Variants in DTD1 observed in about 807,000 individuals in gnomAD.
DTD1 encodes D-tyrosyl-tRNA deacylase 1 homolog.
DTD1 carries 13 observed loss-of-function variants against 25.6 expected under a neutral mutation model. The observed-to-expected ratio is 0.51, with a 90% CI of 0.33 to 0.81. The LOEUF is 0.81. DTD1 is among the 30% of genes least tolerant of loss of function. The probability of loss-of-function intolerance (pLI) is 0.02; values close to 1 mark genes in which losing one functional copy is unlikely to be tolerated. For synonymous variants in DTD1, 110 were observed against 103.6 expected (o/e 1.06, Z -0.37); for missense variants, 193 against 266.4 (o/e 0.72, Z 1.92).
At chr20:18,688,903 T>C (rs1686540736) in intron 4 of DTD1, among the ~76,000 whole-genome samples, 1 of 151,838 alleles carries the variant, frequency 6.6e-6, no homozygotes, top group Non-Finnish European at 1.5e-5. Context: ...TGGGGAGGTA[T>C]GTGTTAGCAG....
chr20:18,708,319 ATT>A (rs1491267490), intron 4 of DTD1, among the ~76,000 whole-genome samples: 4 of 42,430 alleles, frequency 9.4e-5, no homozygotes, highest in African/African-American at 2.3e-4. Flanking sequence ...TTATATATAT[ATT>A]ATATATATAT....
At chr20:18,631,863 A>G (rs2060788958) in intron 4 of DTD1, 1 of 985,344 alleles carries the variant, frequency 1.0e-6, no homozygotes, top group East Asian at 1.1e-4. Context: ...GTAGAATAGT[A>G]CATTTTGCCT....
At chr20:18,741,738 T>G (rs1197431449) in intron 4 of DTD1, among the ~76,000 whole-genome samples, 1 of 151,586 alleles carries the variant, frequency 6.6e-6, no homozygotes, top group African/African-American at 2.4e-5. Flanking sequence ...AAAAAAATTT[T>G]TTTTGAGACA....
At chr20:18,640,765 G>C (rs1007421776) in intron 4 of DTD1, among the ~76,000 whole-genome samples, 3 of 151,656 alleles carry the variant, frequency 2.0e-5, no homozygotes, top group Admixed American at 1.3e-4. Flanking sequence ...CGAGTAGCTG[G>C]GATTACAGGC....
chr20:18,634,842 A>G, intron 4 of DTD1, among the ~76,000 whole-genome samples: 1 of 152,208 alleles, frequency 6.6e-6, no homozygotes, highest in East Asian at 1.9e-4. Flanking sequence ...ACATGAGCAC[A>G]CAGGTGGCTT....
chr20:18,740,264 G>A (rs1357622025), intron 4 of DTD1, among the ~76,000 whole-genome samples: 1 of 151,542 alleles, frequency 6.6e-6, no homozygotes, highest in Non-Finnish European at 1.5e-5. Flanking sequence ...CTTAGCAAGG[G>A]GGAGGAGGTT....
intron 3 of DTD1, among the ~76,000 whole-genome samples, chr20:18,624,463 A>C (rs2060749340): frequency 6.6e-6 from 1 of 152,186 alleles, no homozygotes; most frequent in Non-Finnish European, 1.5e-5. Context: ...ATATGAAATC[A>C]TATCCCAAGA....
chr20:18,609,703 G>C (rs963769535), intron 3 of DTD1, among the ~76,000 whole-genome samples: 1 of 152,068 alleles, frequency 6.6e-6, no homozygotes, highest in Non-Finnish European at 1.5e-5. Flanking sequence ...ATGTCCATTT[G>C]CTGTAAGAAT....
intron 4 of DTD1, among the ~76,000 whole-genome samples, chr20:18,715,580 G>A (rs2061176968): frequency 6.6e-6 from 1 of 152,188 alleles, no homozygotes; most frequent in South Asian, 2.1e-4. Context: ...AAGTCACAAA[G>A]TAAAGCATAT....
rs146254763 is a variant in DTD1 at position 18,741,826 on chromosome 20, G to T, written c.478-2274G>T. Among the ~76,000 whole-genome samples, 366 of 151,460 alleles carry T rather than the reference G, an allele frequency of 2.4e-3. 7 individuals are homozygous for T. Among genetic ancestry groups the T allele is most frequent in the Admixed American group, 0.02 (300 of 15,234 alleles). ...TAACCTCTGCTTGCTGGGCTCAAGC[G>T]ATCCTCCCGTCTCAGCCTCCCCAGT... On this transcript the variant is annotated intron_variant, in intron 4 of 5. Transcript: ENST00000377452.
chr20:18,713,528 C>G (rs1222972633), intron 4 of DTD1, among the ~76,000 whole-genome samples: 1 of 152,120 alleles, frequency 6.6e-6, no homozygotes, highest in Non-Finnish European at 1.5e-5. Context: ...TGTTTTTGGT[C>G]CAGAGACTGG....
chr20:18,726,374 T>A (rs1464096904), intron 4 of DTD1, among the ~76,000 whole-genome samples: 1 of 152,234 alleles, frequency 6.6e-6, no homozygotes, highest in African/African-American at 2.4e-5. Flanking sequence ...GCCCCATGTT[T>A]ACCTTAATTC....
intron 4 of DTD1, among the ~76,000 whole-genome samples, chr20:18,687,326 G>T (rs2061020942): frequency 6.6e-6 from 1 of 151,954 alleles, no homozygotes; most frequent in South Asian, 2.1e-4. Context: ...GAGGTGAGGG[G>T]GTGTCAGGAC....
At chr20:18,662,551 G>C (rs2122374806) in intron 4 of DTD1, among the ~76,000 whole-genome samples, 1 of 152,332 alleles carries the variant, frequency 6.6e-6, no homozygotes, top group Middle Eastern at 3.4e-3. Flanking sequence ...GTGCAGAAGG[G>C]TATTGGTAGA....
chr20:18,635,954 T>C (rs1223234695), intron 4 of DTD1, among the ~76,000 whole-genome samples: 1 of 152,236 alleles, frequency 6.6e-6, no homozygotes, highest in Admixed American at 6.5e-5. Flanking sequence ...CTAGGATCTG[T>C]TTCTTTTCTA....
chr20:18,658,734 A>G (rs1027949804), intron 4 of DTD1, among the ~76,000 whole-genome samples: 1 of 152,200 alleles, frequency 6.6e-6, no homozygotes, highest in Non-Finnish European at 1.5e-5. Flanking sequence ...ATAAATGTTT[A>G]TCTGTTTCAC....
chr20:18,628,286 C>T (rs1206537812), intron 4 of DTD1, 53 bp downstream of exon 4: 4 of 1,434,390 alleles, frequency 2.8e-6, no homozygotes, highest in African/African-American at 2.8e-5. Flanking sequence ...TGTAACATCC[C>T]TTTAGTCCCT....
At chr20:18,610,710 G>A (rs893702593) in intron 3 of DTD1, among the ~76,000 whole-genome samples, 1 of 152,154 alleles carries the variant, frequency 6.6e-6, no homozygotes, top group Non-Finnish European at 1.5e-5. Context: ...AGGAGTTTAA[G>A]ACCAGCCTGG....
intron 4 of DTD1, among the ~76,000 whole-genome samples, chr20:18,693,037 C>T (rs552094373): frequency 2.4e-4 from 36 of 151,878 alleles, no homozygotes; most frequent in African/African-American, 7.5e-4. Context: ...ATTACAGGCG[C>T]GTGTCACCAC....
Sources: allele counts gnomAD v4.1 joint callset (sites outside exome capture counted in the v4.1 genomes callset), GRCh38; gene constraint gnomAD v4.1.1; transcripts MANE v1.5; gene names NCBI Gene and HGNC (gene_info 2026-07-23, HGNC 2026-07-21).